Variants in GSE1 observed in about 807,000 individuals in gnomAD.
GSE1 encodes the protein genetic suppressor element 1.
A neutral mutation model predicts 112.6 loss-of-function variants in GSE1; 32 were observed. That is an observed-to-expected ratio of 0.28 (90% confidence interval 0.21 to 0.38). The LOEUF is 0.38. Among genes scored for constraint, GSE1 ranks in the 10% least tolerant of loss-of-function variants. GSE1 has a pLI of 1.00. For synonymous variants in GSE1, 1,115 were observed against 735.6 expected, an observed-to-expected ratio of 1.52 and a Z score of -8.35; for missense variants, 2,348 against 1,699.2, an observed-to-expected ratio of 1.38 and a Z score of -6.71.
intron 1 of GSE1, among the ~76,000 whole-genome samples, chr16:85,618,471 C>T (rs116814052): frequency 3.3e-5 from 5 of 152,136 alleles, no homozygotes; most frequent in South Asian, 4.1e-4. Context: ...TCTGACTGTT[C>T]GTATCTGCCT....
chr16:85,400,966 G>C (rs1182054484), intron 2 of GSE1, among the ~76,000 whole-genome samples: 1 of 152,204 alleles, frequency 6.6e-6, no homozygotes, highest in Non-Finnish European at 1.5e-5. Flanking sequence ...ATCTGTGTGT[G>C]TGAGAGGAGG....
chr16:85,430,352 T>C (rs1177472727), intron 2 of GSE1, among the ~76,000 whole-genome samples: 1 of 152,092 alleles, frequency 6.6e-6, no homozygotes, highest in East Asian at 1.9e-4. Context: ...CAGCCTCCCG[T>C]GCAGTCCTCA....
chr16:85,297,439 G>T (rs1243020321), intron 1 of GSE1, among the ~76,000 whole-genome samples: 3 of 150,142 alleles, frequency 2.0e-5, no homozygotes, highest in Non-Finnish European at 4.4e-5. Context: ...TTTAGTTTAA[G>T]AATTATGACT....
intron 2 of GSE1, among the ~76,000 whole-genome samples, chr16:85,443,929 G>T (rs964767158): frequency 6.6e-6 from 1 of 150,798 alleles, no homozygotes; most frequent in African/African-American, 2.4e-5. Flanking sequence ...CGGCCCACCT[G>T]TGATAAAGGG....
rs1567520960 is a variant in GSE1 at position 85,478,929 on chromosome 16, C to CTT, written c.2464+121288_2464+121289dup. ...TTTCTTTCTTTCTTTCTTTCTTTCT[C>CTT]TTTCTTTCTTTCTTTCTTTTTTTTT... On this transcript the variant is annotated intron_variant, in intron 2 of 2. Coordinates refer to the GSE1 transcript ENST00000637419. Among the ~76,000 whole-genome samples, 21 of 12,918 alleles carry CTT rather than the reference C, an allele frequency of 1.6e-3. 2 individuals are homozygous for CTT. The highest frequency in any genetic ancestry group is 2.9e-3 in the Non-Finnish European group (19 of 6,552). 8.5% of individuals were successfully genotyped at this position (12,918 alleles called of 152,430 possible).
At chr16:85,559,843 G>A (rs2045427204) in intron 1 of GSE1, among the ~76,000 whole-genome samples, 1 of 152,174 alleles carries the variant, frequency 6.6e-6, no homozygotes, top group Non-Finnish European at 1.5e-5. Context: ...TGTTCCTCTG[G>A]CAGCTTTCAC....
rs375195306 is a variant in GSE1 at position 85,628,533 on chromosome 16, C to G, written c.8-5381C>G. ...GCATTGGAGGGAGCAGGCAGAGGGC[C>G]TCCCTGGTCACCAGGGAAGGGCTGG... On this transcript the variant is annotated intron_variant, in intron 1 of 15. Transcript: ENST00000253458. 3.9e-5 allele frequency among the ~76,000 whole-genome samples: 6 copies of G among 152,118 alleles called. No homozygotes were observed. The East Asian group carries it at 1.2e-3, about 29-fold the overall frequency.
rs144645266 is a variant in GSE1, at chr16:85,666,429, C to T, written c.3130+82C>T. On this transcript the variant is annotated intron_variant, in intron 13 of 15. Coordinates refer to ENST00000253458, the MANE Select transcript of GSE1 (RefSeq NM_014615.5). ...TTGCTGAGCGCCACAGCTGCTCAGC[C>T]GTTCAGCCGTGGGCACAAGTTTTTA... 490 of 1,373,970 alleles carry T rather than the reference C, an allele frequency of 3.6e-4. No individual in the cohort carries two copies. The African/African-American group carries it at 5.5e-3, about 15-fold the overall frequency. The allele number at this position is 1,373,970 out of a possible 1,614,324, so 85.1% of individuals were successfully genotyped here. A position where few individuals can be genotyped will look rare whatever the true frequency, so the allele number is the denominator to read the frequency against.
rs143901261 is a variant in GSE1, at chr16:85,661,556, C to A, written c.2051C>A (p.Thr684Asn). Residue 684 changes from threonine to asparagine, a missense_variant, in exon 9 of 16, where the codon ACC (threonine) becomes AAC (asparagine). Physicochemically the swap from Thr to Asn is moderately conservative, Grantham distance 65 (BLOSUM62 0). Transcript: ENST00000253458. ...GCTGAGCTCGAGAAGTCCACCCAGA[C>A]CATCCTGGGCCAGCAGCGGGCCTCC... The part of the protein sequence containing the change: ...FLAELEKSTQ[T>N]ILGQQRASLP... The A allele has an allele frequency of 1.1e-3, 1,725 of 1,611,652 alleles. 25 individuals carry two copies. Among genetic ancestry groups the A allele is most frequent in the Non-Finnish European group, 8.0e-5 (94 of 1,179,586 alleles).
chr16:85,654,880 A>G lies in GSE1; in HGVS notation c.686A>G (p.Asp229Gly), dbSNP rs1047922598. ...LRSFRPYHTT[D>G]DLRMSSLPPL... The stretch of plus-strand genomic sequence containing the variant: ...AGCTTCCGGCCCTACCACACCACCG[A>G]CGACCTCCGCATGTCCTCACTGCCT... Residue 229 changes from aspartate to glycine, a missense_variant, in exon 5 of 16, where the codon GAC becomes GGC. Coordinates refer to ENST00000253458, the MANE Select transcript of GSE1 (RefSeq NM_014615.5). The G allele has an allele frequency of 6.2e-7, 1 of 1,611,380 alleles. No homozygotes were observed. The highest frequency in any genetic ancestry group is 8.5e-7 in the Non-Finnish European group (1 of 1,179,338).
chr16:85,260,749 A>G (rs1907603535), intron 1 of GSE1, among the ~76,000 whole-genome samples: 2 of 152,172 alleles, frequency 1.3e-5, no homozygotes, highest in Admixed American at 1.3e-4. Flanking sequence ...TCCCCTGCCC[A>G]TGTGCCCACC....
chr16:85,572,152 CCACA>C (rs746420019), intron 1 of GSE1, among the ~76,000 whole-genome samples: 7 of 147,538 alleles, frequency 4.7e-5, no homozygotes, highest in South Asian at 2.2e-4. Flanking sequence ...ACACAACACA[CCACA>C]CACACACTGA....
chr16:85,613,211 G>T, upstream of GSE1: 1 of 1,476,184 alleles, frequency 6.8e-7, no homozygotes, highest in South Asian at 1.4e-5. Flanking sequence ...TTGCGTTTGG[G>T]TGTGTCCTCG....
At position 85,675,257 on chromosome 16, in the gene GSE1, G is replaced by C. The variant is rs551071003; in HGVS notation, c.*2718G>C. The C allele has an allele frequency of 1.3e-5, 2 of 152,108 alleles. No homozygotes were observed. The highest frequency in any genetic ancestry group is 4.8e-5 in the African/African-American group (2 of 41,404). The allele number at this position is 152,108 out of a possible 1,614,324, so 9.4% of individuals were successfully genotyped here. ...GGATGCACCTGAAAGCCCTCGGCTC[G>C]GTCCTTAGACCATCTTCCTACATTA... On this transcript the variant is annotated 3_prime_UTR_variant, in exon 16 of 16. Coordinates refer to ENST00000253458, the MANE Select transcript of GSE1 (RefSeq NM_014615.5).
chr16:85,263,662 T>A (rs1907941384), intron 1 of GSE1, among the ~76,000 whole-genome samples: 1 of 151,774 alleles, frequency 6.6e-6, no homozygotes, highest in African/African-American at 2.4e-5. Flanking sequence ...AACCTCTGCC[T>A]CCAGGGTTGA....
intron 1 of GSE1, among the ~76,000 whole-genome samples, chr16:85,292,846 A>G (rs969186874): frequency 4.6e-5 from 7 of 152,372 alleles, no homozygotes; most frequent in Admixed American, 2.6e-4. Context: ...TGGTCCCAGA[A>G]CATTCCATTG....
intron 1 of GSE1, among the ~76,000 whole-genome samples, chr16:85,320,806 C>T (rs539901829): frequency 5.9e-5 from 9 of 152,160 alleles, no homozygotes; most frequent in South Asian, 2.1e-4. Context: ...CCCCACTCTG[C>T]GTGGCTGCCC....
intron 1 of GSE1, among the ~76,000 whole-genome samples, chr16:85,255,876 TG>T (rs1314616195): frequency 6.6e-6 from 1 of 151,762 alleles, no homozygotes; most frequent in East Asian, 1.9e-4. Context: ...TTTGTAGAGA[TG>T]GGGTCTCACC....
At position 85,387,169 on chromosome 16, in the gene GSE1, G is replaced by A. The variant is rs74034714; in HGVS notation, c.2464+29526G>A. ...CAGGTACTGGAGTCCAGCACAGGGT[G>A]CTGTGCACAACGGACACCGGGCCTA... On this transcript the variant is annotated intron_variant, in intron 2 of 2. Coordinates refer to the GSE1 transcript ENST00000637419. 3.0e-3 allele frequency among the ~76,000 whole-genome samples: 461 copies of A among 152,314 alleles called. 5 individuals are homozygous for A. The highest frequency in any genetic ancestry group is 0.011 in the African/African-American group (449 of 41,556).
Sources: gnomAD v4.1 joint callset for allele counts (sites outside exome capture counted in the v4.1 genomes callset) on GRCh38, gnomAD v4.1.1 for gene constraint, MANE v1.5 for transcripts, NCBI Gene and HGNC (gene_info 2026-07-23, HGNC 2026-07-21) for gene names.